Variants in ARHGAP35 observed in about 807,000 individuals in gnomAD.
The protein encoded by ARHGAP35 is Rho GTPase activating protein 35.
ARHGAP35 carries 15 observed loss-of-function variants against 111.1 expected under a neutral mutation model. The observed-to-expected ratio is 0.13, with a 90% CI of 0.09 to 0.21. The LOEUF is 0.21. ARHGAP35 is among the 10% of genes least tolerant of loss of function. The pLI is 1.00. For missense variants in ARHGAP35, 1,262 were observed against 1,873.0 expected (o/e 0.67, Z 6.02); for synonymous variants, 643 against 710.3 (o/e 0.91, Z 1.51).
chr19:46,898,990 C>T (rs746197289), intron 1 of ARHGAP35, among the ~76,000 whole-genome samples: 11 of 152,192 alleles, frequency 7.2e-5, no homozygotes, highest in Non-Finnish European at 1.3e-4. Context: ...CTTCCACTTG[C>T]CAACCAATCT....
chr19:46,873,946 C>G (rs1373940258), intron 1 of ARHGAP35, among the ~76,000 whole-genome samples: 3 of 152,240 alleles, frequency 2.0e-5, no homozygotes, highest in African/African-American at 7.2e-5. Context: ...CGGGGTTTCC[C>G]CATGTTAGTG....
intron 1 of ARHGAP35, among the ~76,000 whole-genome samples, chr19:46,873,703 A>G (rs1356476721): frequency 6.7e-6 from 1 of 149,270 alleles, no homozygotes; most frequent in Non-Finnish European, 1.5e-5. Context: ...GTTCCCTTTT[A>G]TGGGCCAAAA....
At chr19:46,941,230 C>A in intron 3 of ARHGAP35, among the ~76,000 whole-genome samples, 1 of 152,124 alleles carries the variant, frequency 6.6e-6, no homozygotes, top group East Asian at 1.9e-4. Context: ...TAAAATTTGT[C>A]CCCCATTCCT....
At position 46,937,287 on chromosome 19, in the gene ARHGAP35, A is replaced by G. The variant is rs777151068; in HGVS notation, c.3705A>G (p.Pro1235=). 24 of 1,613,744 alleles carry G rather than the reference A, an allele frequency of 1.5e-5. No individual in the cohort carries two copies. In the African/African-American group the frequency reaches 1.9e-4, roughly 13 times the overall value. ...NTKKPKPKPR[P]SITKATWESN... ...AGAAACCAAAGCCCAAACCCCGGCC[A>G]TCCATCACAAAGGCAACCTGGGAGA... The change falls in exon 3 of 7, where the codon CCA becomes CCG. Residue 1235 remains proline (P), a synonymous_variant. Transcript: ENST00000672722.
intron 1 of ARHGAP35, among the ~76,000 whole-genome samples, chr19:46,894,052 A>AT (rs1255589222): frequency 6.6e-6 from 1 of 151,994 alleles, no homozygotes; most frequent in Non-Finnish European, 1.5e-5. Flanking sequence ...AAGTGGTTCC[A>AT]TTTTGTGATT....
At chr19:46,883,741 G>A (rs551256507) in intron 1 of ARHGAP35, among the ~76,000 whole-genome samples, 8 of 152,162 alleles carry the variant, frequency 5.3e-5, no homozygotes, top group African/African-American at 1.2e-4. Flanking sequence ...TATCTGAAGC[G>A]CAGTAAAAGG....
chr19:46,918,854 C>T lies in ARHGAP35; in HGVS notation c.179C>T (p.Thr60Ile). Reference sequence around the variant, plus strand: ...TTGGACCATACCTCCGTCCTCAGCACCAGTGACTTTGGAGGGCGAGTGGTC... The same window carrying T: ...TTGGACCATACCTCCGTCCTCAGCATCAGTGACTTTGGAGGGCGAGTGGTC... ...FHLDHTSVLS[T>I]SDFGGRVVNN... The change falls in exon 2 of 7, where the codon ACC becomes ATC. Residue 60 changes from threonine (T) to isoleucine (I), a missense_variant. Physicochemically the swap from Thr to Ile is moderately conservative, Grantham distance 89. Around this residue, in one of 8 missense-constraint regions of ARHGAP35, gnomAD observed 125 missense variants for 301.7 expected, o/e 0.41. Transcript: ENST00000672722. The surrounding 1 kb of genome is among the most constrained non-coding windows in gnomAD (Gnocchi z 5.4). 6.2e-7 allele frequency: 1 copy of T among 1,613,964 alleles called. No homozygotes were observed. The highest frequency in any genetic ancestry group is 8.5e-7 in the Non-Finnish European group (1 of 1,179,882).
intron 1 of ARHGAP35, among the ~76,000 whole-genome samples, chr19:46,914,024 A>T (rs1189782447): frequency 6.7e-6 from 1 of 149,156 alleles, no homozygotes; most frequent in Non-Finnish European, 1.5e-5. Flanking sequence ...ACTAAGTTGA[A>T]TGTATTTGTG....
At chr19:46,978,553 G>GGGGC (rs2056592267) in intron 3 of ARHGAP35, among the ~76,000 whole-genome samples, 1 of 143,704 alleles carries the variant, frequency 7.0e-6, no homozygotes, top group African/African-American at 2.6e-5. Flanking sequence ...TGTGTGTGGT[G>GGGGC]AGGTGTGTGT....
Position 46,949,969 on chromosome 19 carries a change from A to G in ARHGAP35, c.3826+12561A>G, listed in dbSNP as rs111899773. On this transcript the variant is annotated intron_variant, in intron 3 of 6. Transcript: ENST00000672722. ...GCAGTTTTTAAAACTTCTCCTTGAA[A>G]TATAACACACACTAAGAAAAGCACA... 6.4e-3 allele frequency among the ~76,000 whole-genome samples: 978 copies of G among 152,322 alleles called. 6 individuals carry two copies. Among genetic ancestry groups the G allele is most frequent in the South Asian group, 0.02 (97 of 4,824 alleles).
chr19:46,981,520 A>G (rs1257492297), intron 3 of ARHGAP35, among the ~76,000 whole-genome samples: 1 of 152,262 alleles, frequency 6.6e-6, no homozygotes, highest in Non-Finnish European at 1.5e-5. Context: ...ACGCTGGCCG[A>G]CAGCACTGCT....
intron 1 of ARHGAP35, among the ~76,000 whole-genome samples, chr19:46,913,537 C>A (rs757561338): frequency 1.3e-5 from 2 of 152,118 alleles, no homozygotes; most frequent in Non-Finnish European, 1.5e-5. Context: ...AAATCACAAA[C>A]AACTCTAGAT....
In ARHGAP35 at chr19:46,919,774, A is replaced by G; in HGVS notation, c.1099A>G (p.Lys367Glu). The change falls in exon 2 of 7, where the codon AAA (lysine) becomes GAA (glutamate). Residue 367 changes from lysine to glutamate, a missense_variant. Transcript: ENST00000672722. This position sits in a 1 kb window ranked among gnomAD's most constrained non-coding sequence, Gnocchi z 6.2. ...AGACCACCTAAGCTGCATAAAAGCC[A>G]AAAAGCTCTTAGAAACCAAGCCAGA... ...EIDHLSCIKA[K>E]KLLETKPEFL... 3.1e-6 allele frequency: 5 copies of G among 1,614,058 alleles called. No individual in the cohort carries two copies. The highest frequency in any genetic ancestry group is 4.2e-6 in the Non-Finnish European group (5 of 1,179,898).
At position 46,999,257 on chromosome 19, in the gene ARHGAP35, C is replaced by T. The variant is rs866078083; in HGVS notation, c.4037-47C>T. 7.1e-7 allele frequency: 1 copy of T among 1,408,204 alleles called. No individual in the cohort carries two copies. The highest frequency in any genetic ancestry group is 1.8e-4 in the Middle Eastern group (1 of 5,696). The allele number at this position is 1,408,204 out of a possible 1,614,324, so 87.2% of individuals were successfully genotyped here. A position where few individuals can be genotyped will look rare whatever the true frequency, so the allele number is the denominator to read the frequency against. On this transcript the variant is annotated intron_variant, in intron 5 of 6. Coordinates refer to ENST00000672722, the MANE Select transcript of ARHGAP35 (RefSeq NM_004491.5). The surrounding 1 kb of genome is among the most constrained non-coding windows in gnomAD (Gnocchi z 5.4). ...CACAGAGCACGCCCTGGGGTGGCCA[C>T]CAGCCTCGGCCATGAAAGGCAAGGC...
chr19:46,866,638 C>A (rs1452031827), intron 1 of ARHGAP35, among the ~76,000 whole-genome samples: 1 of 152,142 alleles, frequency 6.6e-6, no homozygotes, highest in Admixed American at 6.5e-5. Flanking sequence ...TCTTTGATTC[C>A]TCTCTCACCT....
At chr19:46,869,476 TTG>T (rs36048282) in intron 1 of ARHGAP35, among the ~76,000 whole-genome samples, 5,680 of 143,946 alleles carry the variant, frequency 0.039, 197 homozygotes, top group African/African-American at 0.095. Flanking sequence ...AGAAAAAAAA[TTG>T]TGTGTGTGTG....
chr19:46,871,142 G>A (rs972678875), intron 1 of ARHGAP35, among the ~76,000 whole-genome samples: 4 of 152,176 alleles, frequency 2.6e-5, no homozygotes, highest in African/African-American at 9.7e-5. Flanking sequence ...TGTATAAACT[G>A]TCACAAGTGT....
In ARHGAP35 at chr19:46,888,746, C is replaced by T. The variant is rs903998535; in HGVS notation, c.-189+27537C>T. Reference sequence around the variant, plus strand: ...TGGTGGCTTATGCCTGTAATCCCAGCACTTTGGGAGGCTGAGGCGGGCAGA... The same window carrying T: ...TGGTGGCTTATGCCTGTAATCCCAGTACTTTGGGAGGCTGAGGCGGGCAGA... On this transcript the variant is annotated intron_variant, in intron 1 of 6. Transcript: ENST00000672722. Among the ~76,000 whole-genome samples the T allele has an allele frequency of 3.3e-5, 5 of 150,972 alleles. No homozygotes were observed. The East Asian group carries it at 9.8e-4, about 30-fold the overall frequency.
chr19:46,942,815 C>CAAAAA (rs1241909711), intron 3 of ARHGAP35, among the ~76,000 whole-genome samples: 2 of 42,280 alleles, frequency 4.7e-5, no homozygotes, highest in Admixed American at 3.2e-4. Flanking sequence ...GACCCTGTCT[C>CAAAAA]AGAAAAAAAA....
Sources: allele counts gnomAD v4.1 joint callset (sites outside exome capture counted in the v4.1 genomes callset), GRCh38; gene constraint gnomAD v4.1.1; regional missense constraint gnomAD v4.1.1; non-coding constraint Gnocchi (gnomAD v3.1); transcripts MANE v1.5; gene names NCBI Gene and HGNC (gene_info 2026-07-23, HGNC 2026-07-21).